ANKRD28: variants seen among roughly 807,000 people sequenced by gnomAD.
ANKRD28 encodes serine/threonine-protein phosphatase 6 regulatory ankyrin repeat subunit A.
A neutral mutation model predicts 126.5 loss-of-function variants in ANKRD28; 44 were observed. The observed-to-expected ratio is 0.35, with a 90% CI of 0.27 to 0.45. The LOEUF is 0.45. Among genes scored for constraint, ANKRD28 ranks in the 20% least tolerant of loss-of-function variants. The pLI is 1.00. For synonymous variants in ANKRD28, 442 were observed against 468.5 expected (o/e 0.94, Z 0.73); for missense variants, 1,110 against 1,316.6 (o/e 0.84, Z 2.43).
In ANKRD28 at chr3:15,853,967, G is replaced by C. The variant is rs73817148; in HGVS notation, c.27+5410C>G. ...CTTTTGCCTAGTACTTAATGTTCTC[G>C]ATCTGTACTAAAATATTTTACGTAT... On this transcript the variant is annotated intron_variant, in intron 1 of 27. Coordinates refer to the ANKRD28 transcript ENST00000399451. This position sits in a 1 kb window ranked among gnomAD's most constrained non-coding sequence, Gnocchi z 4.2. Among the ~76,000 whole-genome samples, 6,226 of 152,096 alleles carry C rather than the reference G, an allele frequency of 0.041. 413 individuals carry two copies. Among genetic ancestry groups the C allele is most frequent in the African/African-American group, 0.14 (5,769 of 41,438 alleles).
chr3:15,778,891 T>C (rs1339594324), intron 2 of ANKRD28, among the ~76,000 whole-genome samples: 1 of 152,138 alleles, frequency 6.6e-6, no homozygotes, highest in African/African-American at 2.4e-5. Context: ...GCTATTCTCA[T>C]GATAATAAGT....
chr3:15,824,516 T>A (rs1002595401), intron 1 of ANKRD28, among the ~76,000 whole-genome samples: 18 of 152,038 alleles, frequency 1.2e-4, no homozygotes, highest in African/African-American at 3.9e-4. Flanking sequence ...TTGCAGAATA[T>A]AAGATAAAGT....
chr3:15,677,652 C>A lies in ANKRD28; in HGVS notation c.2708-90G>T. The A allele has an allele frequency of 6.7e-6, 6 of 899,466 alleles. No individual in the cohort carries two copies. The Admixed American group carries it at 8.1e-5, about 12-fold the overall frequency. 55.7% of individuals were successfully genotyped at this position (899,466 alleles called of 1,614,324 possible). On this transcript the variant is annotated intron_variant, in intron 24 of 27. Transcript: ENST00000683139. ...ACTGTAGAGAAATGAAGATACAAAGCAAAAAAGTCCCTCTCACAAAAACTT... is the reference window on the plus strand; with the variant it reads ...ACTGTAGAGAAATGAAGATACAAAGAAAAAAAGTCCCTCTCACAAAAACTT...
At chr3:15,745,912 G>C (rs531875512) in intron 4 of ANKRD28, among the ~76,000 whole-genome samples, 1 of 151,912 alleles carries the variant, frequency 6.6e-6, no homozygotes, top group Non-Finnish European at 1.5e-5. Flanking sequence ...TCCTTGTAGG[G>C]GTCTTTCACC....
intron 14 of ANKRD28, among the ~76,000 whole-genome samples, chr3:15,707,258 GAA>G (rs61116421): frequency 9.9e-4 from 149 of 150,456 alleles, no homozygotes; most frequent in African/African-American, 3.6e-3. Flanking sequence ...CGTGCAAGAA[GAA>G]AAAAAAAATA....
intron 4 of ANKRD28, among the ~76,000 whole-genome samples, chr3:15,746,265 G>C (rs757982451): frequency 1.3e-5 from 2 of 152,166 alleles, no homozygotes; most frequent in Non-Finnish European, 2.9e-5. Context: ...AGTGGTGAAA[G>C]TAGGCATCCC....
chr3:15,797,030 A>AT lies in ANKRD28; in HGVS notation c.-510dup. The AT allele has an allele frequency of 1.0e-6, 1 of 985,268 alleles. No individual in the cohort carries two copies. Among genetic ancestry groups the AT allele is most frequent in the Non-Finnish European group, 1.2e-6 (1 of 829,854 alleles). 61.0% of individuals were successfully genotyped at this position (985,268 alleles called of 1,614,324 possible). On this transcript the variant is annotated 5_prime_UTR_variant, in exon 1 of 28. Transcript: ENST00000683139. ...GTAGCTGTTTTGCTTATAATTGAAA[A>AT]TAAAAAATAAAATCTCACTATTCTG...
At chr3:15,774,115 A>G (rs1575625262) in intron 2 of ANKRD28, among the ~76,000 whole-genome samples, 1 of 152,224 alleles carries the variant, frequency 6.6e-6, no homozygotes, top group East Asian at 1.9e-4. Context: ...ACCTCCATCT[A>G]TACCTAACAC....
In ANKRD28 at chr3:15,707,945, G is replaced by A; in HGVS notation, c.1526C>T (p.Ala509Val). The stretch of plus-strand genomic sequence containing the variant: ...TTACTTGCCATCTGTGTCTGATGTA[G>A]CTGCATAGTGCAGGGGTGTGCAGCC... Reference protein sequence around the residue: ...ERGCTPLHYAATSDTDGKCLE... With the variant: ...ERGCTPLHYAVTSDTDGKCLE... Residue 509 changes from alanine (A) to valine (V), a missense_variant, in exon 14 of 28, where the codon GCT becomes GTT. Ala to Val is a moderately conservative substitution (Grantham distance 64). Transcript: ENST00000683139. 1.9e-6 allele frequency: 3 copies of A among 1,613,302 alleles called. No individual in the cohort carries two copies. Among genetic ancestry groups the A allele is most frequent in the Non-Finnish European group, 2.5e-6 (3 of 1,179,538 alleles).
At chr3:15,820,068 A>C (rs980851614) in intron 1 of ANKRD28, among the ~76,000 whole-genome samples, 1 of 152,236 alleles carries the variant, frequency 6.6e-6, no homozygotes, top group African/African-American at 2.4e-5. Context: ...ATTTTTGCTA[A>C]ACCCCAATGA....
intron 2 of ANKRD28, among the ~76,000 whole-genome samples, chr3:15,780,071 C>G (rs2059473388): frequency 6.6e-6 from 1 of 151,952 alleles, no homozygotes; most frequent in Non-Finnish European, 1.5e-5. Context: ...CAAGTCCTAG[C>G]CAGAACAATT....
Position 15,714,634 on chromosome 3 carries a change from A to G in ANKRD28, c.1019T>C (p.Leu340Pro). The change falls in exon 9 of 28, where the codon CTA (leucine) becomes CCA (proline). Residue 340 changes from leucine (L) to proline (P), a missense_variant. Transcript: ENST00000683139. Reference sequence around the variant, plus strand: ...TCTACCGTGGAGAGCAGTCATGTGTAGTGGGGTTTTCCCATCTTTACTCTG... The same window carrying G: ...TCTACCGTGGAGAGCAGTCATGTGTGGTGGGGTTTTCCCATCTTTACTCTG... ...NMKSKDGKTP[L>P]HMTALHGRFS... 2 of 1,597,490 alleles carry G rather than the reference A, an allele frequency of 1.3e-6. No individual in the cohort carries two copies. The highest frequency in any genetic ancestry group is 1.8e-5 in the Admixed American group (1 of 56,462).
chr3:15,736,582 GACA>G (rs1416293240), intron 5 of ANKRD28, among the ~76,000 whole-genome samples: 2 of 152,202 alleles, frequency 1.3e-5, no homozygotes, highest in African/African-American at 4.8e-5. Flanking sequence ...ACCTAGCACA[GACA>G]ACGTTTGTTG....
At chr3:15,738,287 C>A (rs1298397739) in intron 4 of ANKRD28, among the ~76,000 whole-genome samples, 1 of 151,990 alleles carries the variant, frequency 6.6e-6, no homozygotes, top group East Asian at 1.9e-4. Context: ...TCTGGGGAGA[C>A]ATCACATGCC....
At chr3:15,858,893 A>G (rs2061833509) in intron 1 of ANKRD28, among the ~76,000 whole-genome samples, 1 of 152,240 alleles carries the variant, frequency 6.6e-6, no homozygotes, top group Non-Finnish European at 1.5e-5. Flanking sequence ...ACAAGTCTGG[A>G]AACTTGCATT....
rs532015611 is a variant in ANKRD28, at chr3:15,797,659, G to GA, written c.-1139dup. ...TTCCATTAAACAGTCTTCATTCAGA[G>GA]AAAAAAATAGCAGACTGTGCATCTT... On this transcript the variant is annotated 5_prime_UTR_variant, in exon 1 of 28. The change creates a premature stop within an existing upstream ORF in the 5' untranslated region. Coordinates refer to ENST00000683139, the MANE Select transcript of ANKRD28 (RefSeq NM_001349278.2). The GA allele has an allele frequency of 4.6e-4, 452 of 985,142 alleles. No individual in the cohort carries two copies. In the African/African-American group the frequency reaches 7.5e-3, roughly 16 times the overall value. The allele number at this position is 985,142 out of a possible 1,614,324, so 61.0% of individuals were successfully genotyped here. A position where few individuals can be genotyped will look rare whatever the true frequency, so the allele number is the denominator to read the frequency against.
chr3:15,729,589 AT>A (rs1452905596), intron 6 of ANKRD28, among the ~76,000 whole-genome samples: 1 of 152,200 alleles, frequency 6.6e-6, no homozygotes, highest in East Asian at 1.9e-4. Flanking sequence ...TCCAAAATAT[AT>A]TAGTTACATT....
At chr3:15,768,806 T>C (rs1250507685) in intron 2 of ANKRD28, among the ~76,000 whole-genome samples, 3 of 152,210 alleles carry the variant, frequency 2.0e-5, no homozygotes, top group Non-Finnish European at 4.4e-5. Context: ...GTGCCAATAA[T>C]GTTAAATTGT....
Position 15,816,428 on chromosome 3 carries a change from G to C in ANKRD28, c.28-21122C>G, listed in dbSNP as rs1366202400. ...CTGATTTGTAATATGGGGTTATTAA[G>C]ACCAGCTTAAGTTAACAGCCTAAGG... On this transcript the variant is annotated intron_variant, in intron 1 of 27. Transcript: ENST00000399451. This position sits in a 1 kb window ranked among gnomAD's most constrained non-coding sequence, Gnocchi z 5.0. Among the ~76,000 whole-genome samples, 1 of 152,102 alleles carries C rather than the reference G, an allele frequency of 6.6e-6. No homozygotes were observed. The highest frequency in any genetic ancestry group is 1.5e-5 in the Non-Finnish European group (1 of 68,016).
Sources: gnomAD v4.1 joint callset for allele counts (sites outside exome capture counted in the v4.1 genomes callset) on GRCh38, gnomAD v4.1.1 for gene constraint, Gnocchi (gnomAD v3.1) non-coding constraint, MANE v1.5 for transcripts, NCBI Gene and HGNC (gene_info 2026-07-23, HGNC 2026-07-21) for gene names.